WNK3: variants seen among roughly 807,000 people sequenced by gnomAD.
WNK3 encodes the protein WNK lysine deficient protein kinase 3, also known as serine/threonine-protein kinase WNK3.
Under a neutral mutation model 116.7 loss-of-function variants are expected in WNK3, and 18 were observed. The ratio of observed to expected loss-of-function variants is 0.15; its 90% confidence interval spans 0.11 to 0.23. The LOEUF (loss-of-function observed/expected upper bound fraction) is 0.23. WNK3 is among the 10% of genes least tolerant of loss of function. The pLI is 1.00. For missense variants in WNK3, 993 were observed against 1,323.8 expected (o/e 0.75, Z 3.88); for synonymous variants, 404 against 469.4 (o/e 0.86, Z 1.80).
chrX:54,312,272 G>T (rs1320244380), intron 2 of WNK3, among the ~76,000 whole-genome samples: 2 of 110,743 alleles, frequency 1.8e-5, no homozygotes, highest in African/African-American at 6.6e-5. Flanking sequence ...GTTGCAGTGA[G>T]CCAAGATCAT....
intron 10 of WNK3, among the ~76,000 whole-genome samples, chrX:54,272,634 A>G (rs2068397128): frequency 8.9e-6 from 1 of 111,791 alleles, no homozygotes; most frequent in Non-Finnish European, 1.9e-5. Context: ...GAACGTAGAG[A>G]ATCTTTTGCC....
chrX:54,213,982 A>G (rs1422437840), intron 22 of WNK3, among the ~76,000 whole-genome samples: 4 of 110,853 alleles, frequency 3.6e-5, no homozygotes, highest in African/African-American at 1.3e-4. Flanking sequence ...TTTTGAAAAA[A>G]AAATTTTTTT....
In WNK3 at chrX:54,239,110, CAAAA is replaced by C; in HGVS notation, c.3652-15_3652-12del. The stretch of plus-strand genomic sequence containing the variant: ...ATCTGAGGACATCTCCTAATGGAGA[CAAAA>C]CAAAACAAAACAAAACAAAACAAAA... On this transcript the variant is annotated splice_polypyrimidine_tract_variant and intron_variant, in intron 17 of 23. Transcript: ENST00000354646. 2.1e-6 allele frequency: 1 copy of C among 475,518 alleles called. No individual in the cohort carries two copies. 39.2% of individuals were successfully genotyped at this position (475,518 alleles called of 1,213,427 possible).
At chrX:54,259,680 A>G (rs1557156316) in intron 10 of WNK3, among the ~76,000 whole-genome samples, 3 of 111,594 alleles carry the variant, frequency 2.7e-5, no homozygotes, top group Admixed American at 9.6e-5. Context: ...AAGAGGTACT[A>G]CCATTCTACA....
At chrX:54,336,347 C>A (rs1210859186) in intron 1 of WNK3, among the ~76,000 whole-genome samples, 1 of 108,136 alleles carries the variant, frequency 9.2e-6, no homozygotes, top group African/African-American at 3.4e-5. Flanking sequence ...CCCATCCCCC[C>A]AAAAAAACCC....
intron 2 of WNK3, among the ~76,000 whole-genome samples, chrX:54,317,717 C>T (rs1467223438): frequency 3.7e-5 from 4 of 107,432 alleles, no homozygotes; most frequent in Non-Finnish European, 3.9e-5. Context: ...CTGTAAGCTC[C>T]GCCTCCCGGG....
At chrX:54,234,385 C>G (rs1402840842) in intron 20 of WNK3, among the ~76,000 whole-genome samples, 1 of 111,024 alleles carries the variant, frequency 9.0e-6, no homozygotes, top group Non-Finnish European at 1.9e-5. Flanking sequence ...ATAAAAGATC[C>G]TTTCCAGGTC....
chrX:54,265,512 A>G (rs1266746053), intron 10 of WNK3, among the ~76,000 whole-genome samples: 3 of 111,018 alleles, frequency 2.7e-5, no homozygotes, highest in Non-Finnish European at 5.7e-5. Flanking sequence ...ACGGAAGTCA[A>G]AGAAAATCTA....
exon 5 of WNK3, chrX:54,307,979 C>T (rs782488551): frequency 1.8e-5 from 22 of 1,205,082 alleles, no homozygotes; most frequent in Non-Finnish European, 2.2e-5. Context: ...AAGGATACTC[C>T]GATGTGGCCA....
intron 1 of WNK3, among the ~76,000 whole-genome samples, chrX:54,343,163 T>C (rs1228867013): frequency 9.0e-6 from 1 of 110,624 alleles, no homozygotes; most frequent in African/African-American, 3.3e-5. Context: ...AATAGTTTCT[T>C]GACTATGGTA....
chrX:54,337,597 T>TAAAA (rs1557175660), intron 1 of WNK3, among the ~76,000 whole-genome samples: 3 of 105,180 alleles, frequency 2.9e-5, no homozygotes, highest in African/African-American at 1.0e-4. Flanking sequence ...AATAAATAAA[T>TAAAA]AAAATATTTG....
At chrX:54,281,705 T>A (rs2068518096) in intron 10 of WNK3, among the ~76,000 whole-genome samples, 1 of 111,699 alleles carries the variant, frequency 9.0e-6, no homozygotes. Context: ...TCACTTAGCA[T>A]AATGTCCTCC....
At chrX:54,329,430 G>A (rs181469642) in intron 2 of WNK3, among the ~76,000 whole-genome samples, 19 of 111,460 alleles carry the variant, frequency 1.7e-4, no homozygotes, top group East Asian at 8.5e-4. Context: ...CCTGAGGTCC[G>A]GAGTTCAAGA....
intron 10 of WNK3, among the ~76,000 whole-genome samples, chrX:54,278,410 A>C (rs1278048098): frequency 9.2e-6 from 1 of 108,771 alleles, no homozygotes; most frequent in Non-Finnish European, 1.9e-5. Flanking sequence ...ACAGAAATCC[A>C]GAAGAGCTAA....
At chrX:54,353,604 G>A (rs961959874) in intron 1 of WNK3, among the ~76,000 whole-genome samples, 19 of 106,684 alleles carry the variant, frequency 1.8e-4, no homozygotes, top group African/African-American at 3.8e-4. Context: ...AAAATTAGCC[G>A]GGCGTAGTGG....
At chrX:54,247,087 A>G (rs1305684737) in intron 17 of WNK3, among the ~76,000 whole-genome samples, 2 of 111,826 alleles carry the variant, frequency 1.8e-5, no homozygotes, top group East Asian at 5.6e-4. Flanking sequence ...CTCATGCAAT[A>G]TATTTGAAAA....
At chrX:54,232,113 GTATATATA>G (rs781829275) in intron 21 of WNK3, among the ~76,000 whole-genome samples, 1 of 95,109 alleles carries the variant, frequency 1.1e-5, no homozygotes, top group East Asian at 3.2e-4. Flanking sequence ...GTGTGTGTGT[GTATATATA>G]TATATATATA....
chrX:54,280,296 CA>C (rs201683615), intron 10 of WNK3, among the ~76,000 whole-genome samples: 2,882 of 78,238 alleles, frequency 0.037, 91 homozygotes, highest in African/African-American at 0.11. Flanking sequence ...GACTCTGTCT[CA>C]AAAAAAAAAA....
chrX:54,270,732 T>C (rs2068373435), intron 10 of WNK3, among the ~76,000 whole-genome samples: 1 of 110,273 alleles, frequency 9.1e-6, no homozygotes. Flanking sequence ...CTCCCTCCCC[T>C]TTCCCCCGAC....
Sources: allele counts gnomAD v4.1 joint callset (sites outside exome capture counted in the v4.1 genomes callset), GRCh38; gene constraint gnomAD v4.1.1; transcripts MANE v1.5; gene names NCBI Gene and HGNC (gene_info 2026-07-23, HGNC 2026-07-21).